Variants in C1orf105 observed in about 807,000 individuals in gnomAD.
The protein encoded by C1orf105 is chromosome 1 open reading frame 105.
A neutral mutation model predicts 20.8 loss-of-function variants in C1orf105; 17 were observed. That is an observed-to-expected ratio of 0.82 (90% confidence interval 0.56 to 1.23). The LOEUF (loss-of-function observed/expected upper bound fraction) is 1.23. C1orf105 is among the 50% of genes most tolerant of loss of function. C1orf105 has a pLI of 0.00. For synonymous variants in C1orf105, 72 were observed against 72.1 expected, an observed-to-expected ratio of 1.00 and a Z score of 0.01; for missense variants, 219 against 213.5, an observed-to-expected ratio of 1.03 and a Z score of -0.16.
rs2071614633 is a variant in C1orf105 at position 172,422,391 on chromosome 1, G to A, written c.21+1485G>A. On this transcript the variant is annotated intron_variant, in intron 1 of 6. Coordinates refer to ENST00000367727, the MANE Select transcript of C1orf105 (RefSeq NM_139240.4). ...TCTAGATATACCCTGGGCCAAAAGGGAACTGCCTTGAAGGGAAGGACCCAG... is the reference window on the plus strand; with the variant it reads ...TCTAGATATACCCTGGGCCAAAAGGAAACTGCCTTGAAGGGAAGGACCCAG... 2.6e-5 allele frequency among the ~76,000 whole-genome samples: 4 copies of A among 152,170 alleles called. No homozygotes were observed. The South Asian group carries it at 8.3e-4, about 32-fold the overall frequency.
rs374723735 is a variant in C1orf105 at position 172,458,970 on chromosome 1, C to T, written c.273+2481C>T. Among the ~76,000 whole-genome samples, 8 of 152,132 alleles carry T rather than the reference C, an allele frequency of 5.3e-5. No individual in the cohort carries two copies. The South Asian group carries it at 6.2e-4, about 12-fold the overall frequency. On this transcript the variant is annotated intron_variant, in intron 4 of 6. Coordinates refer to ENST00000367727, the MANE Select transcript of C1orf105 (RefSeq NM_139240.4). ...AGAATAGTATTTTCAATAAGTGGTA[C>T]GGGGGCAGCTGCATAGATACATGCA...
At chr1:172,468,313 T>C (rs1650206590) in intron 6 of C1orf105, 136 bp from the exon 7 acceptor site, 1 of 660,994 alleles carries the variant, frequency 1.5e-6, no homozygotes. Flanking sequence ...GATTTGAAAA[T>C]CAAATTATTA....
At chr1:172,444,943 A>G (rs1019193754) in intron 1 of C1orf105, 130 bp from the exon 2 acceptor site, 2 of 596,592 alleles carry the variant, frequency 3.4e-6, no homozygotes, top group African/African-American at 3.8e-5. Context: ...TAGGATGGTT[A>G]AAGAGTTAAA....
chr1:172,449,397 G>T (rs933917931), intron 3 of C1orf105, among the ~76,000 whole-genome samples: 1 of 152,112 alleles, frequency 6.6e-6, no homozygotes, highest in Non-Finnish European at 1.5e-5. Context: ...TGGGCAAGCA[G>T]AGTGGAAGTG....
chr1:172,448,534 A>G lies in C1orf105; in HGVS notation c.198+3A>G. ...AAGTTCCAGATGTTTTATCTAAGGT[A>G]CTAAAAAATTTTTGTTGAAATGAAA... is the stretch of plus-strand genomic sequence containing the variant. On this transcript the variant is annotated splice_donor_region_variant and intron_variant, in intron 3 of 6. Coordinates refer to ENST00000367727, the MANE Select transcript of C1orf105 (RefSeq NM_139240.4). 6.3e-7 allele frequency: 1 copy of G among 1,588,180 alleles called. No homozygotes were observed. The highest frequency in any genetic ancestry group is 2.2e-5 in the East Asian group (1 of 44,756).
At chr1:172,421,649 A>G (rs1168654473) in intron 1 of C1orf105, among the ~76,000 whole-genome samples, 4 of 152,080 alleles carry the variant, frequency 2.6e-5, no homozygotes, top group Non-Finnish European at 2.9e-5. Context: ...AAATTTAACA[A>G]CTATCTACAC....
chr1:172,440,408 A>G (rs1269528334), intron 1 of C1orf105, among the ~76,000 whole-genome samples: 2 of 152,260 alleles, frequency 1.3e-5, no homozygotes, highest in African/African-American at 4.8e-5. Context: ...AGTGCTTCGT[A>G]TCAGGGATTC....
At chr1:172,465,031 A>C (rs1041249290) in intron 5 of C1orf105, among the ~76,000 whole-genome samples, 5 of 152,032 alleles carry the variant, frequency 3.3e-5, no homozygotes, top group African/African-American at 1.2e-4. Context: ...GAAAATACTA[A>C]AATTAGCCAG....
At chr1:172,424,797 A>T (rs554755891) in intron 1 of C1orf105, among the ~76,000 whole-genome samples, 1 of 152,284 alleles carries the variant, frequency 6.6e-6, no homozygotes, top group Admixed American at 6.5e-5. Context: ...TGACAAAAAT[A>T]TTCTCAGCTA....
At chr1:172,460,613 TATTG>T (rs140264576) in intron 4 of C1orf105, among the ~76,000 whole-genome samples, 8,717 of 152,160 alleles carry the variant, frequency 0.057, 268 homozygotes, top group Middle Eastern at 0.13. Flanking sequence ...TTTCAACAAA[TATTG>T]ATTGATTGTC....
intron 4 of C1orf105, among the ~76,000 whole-genome samples, chr1:172,460,761 G>C (rs565321532): frequency 1.3e-5 from 2 of 152,246 alleles, no homozygotes; most frequent in South Asian, 4.2e-4. Flanking sequence ...AGATCTGATG[G>C]GGAGTGAAGG....
At position 172,444,214 on chromosome 1, in the gene C1orf105, G is replaced by C. The variant is rs550776217; in HGVS notation, c.22-859G>C. ...CCTGGAGACTGGCCCAAACCCGAAT[G>C]CTCTGAGCCTAGGAAGGCAAATCCC... On this transcript the variant is annotated intron_variant, in intron 1 of 6. Transcript: ENST00000367727. The C allele has an allele frequency of 6.1e-6, 6 of 985,972 alleles. No individual in the cohort carries two copies. The Admixed American group carries it at 3.7e-4, about 61-fold the overall frequency. 61.1% of individuals were successfully genotyped at this position (985,972 alleles called of 1,614,324 possible). A position where few individuals can be genotyped will look rare whatever the true frequency, so the allele number is the denominator to read the frequency against.
intron 1 of C1orf105, among the ~76,000 whole-genome samples, chr1:172,425,022 A>G (rs1292482756): frequency 6.6e-6 from 1 of 152,114 alleles, no homozygotes; most frequent in Non-Finnish European, 1.5e-5. Context: ...AGCCTGAGGG[A>G]CCTCAGCATT....
chr1:172,437,721 C>T (rs1430209361), intron 1 of C1orf105, among the ~76,000 whole-genome samples: 2 of 124,218 alleles, frequency 1.6e-5, no homozygotes, highest in Non-Finnish European at 3.5e-5. Flanking sequence ...TACCCTAGAA[C>T]TTAAAGTATA....
intron 1 of C1orf105, chr1:172,441,657 T>G: frequency 1.6e-6 from 2 of 1,281,016 alleles, no homozygotes; most frequent in Non-Finnish European, 2.1e-6. Context: ...AATGGAACTC[T>G]GTCTTTAAGT....
intron 3 of C1orf105, among the ~76,000 whole-genome samples, chr1:172,450,710 C>CT (rs1258934146): frequency 6.6e-6 from 1 of 152,222 alleles, no homozygotes; most frequent in Non-Finnish European, 1.5e-5. Context: ...CCACTTACTC[C>CT]TCCCCTGCCC....
rs184149681 is a variant in C1orf105 at position 172,432,051 on chromosome 1, T to A, written c.21+11145T>A. ...CTGGCTGGGGGAGGGGCGTCCTCCA[T>A]CACTGAGGCTTGAGTAGGTAAACAA... On this transcript the variant is annotated intron_variant, in intron 1 of 6. Transcript: ENST00000367727. Among the ~76,000 whole-genome samples the A allele has an allele frequency of 1.2e-3, 185 of 152,290 alleles. 1 individual carries two copies. The highest frequency in any genetic ancestry group is 4.0e-3 in the African/African-American group (166 of 41,562).
intron 3 of C1orf105, among the ~76,000 whole-genome samples, chr1:172,450,119 C>T (rs564646484): frequency 6.6e-6 from 1 of 152,340 alleles, no homozygotes; most frequent in African/African-American, 2.4e-5. Context: ...AGAGCAACAG[C>T]TTCCAGCTGC....
intron 3 of C1orf105, among the ~76,000 whole-genome samples, chr1:172,448,870 A>C (rs1477754946): frequency 6.6e-6 from 1 of 151,972 alleles, no homozygotes; most frequent in Non-Finnish European, 1.5e-5. Flanking sequence ...CCCCCAAAGG[A>C]TTGCTTATGT....
Sources: gnomAD v4.1 joint callset for allele counts (sites outside exome capture counted in the v4.1 genomes callset) on GRCh38, gnomAD v4.1.1 for gene constraint, MANE v1.5 for transcripts, NCBI Gene and HGNC (gene_info 2026-07-23, HGNC 2026-07-21) for gene names.